Variants in CHD7 observed in about 807,000 individuals in gnomAD.
CHD7 encodes the protein chromodomain helicase DNA binding protein 7, also known as ATP-dependent chromatin remodeler CHD7.
In CHD7, 24 loss-of-function variants were observed where a neutral mutation model predicts 307.3. The ratio of observed to expected loss-of-function variants is 0.08; its 90% confidence interval spans 0.06 to 0.11. The LOEUF is 0.11. Ranked by LOEUF, CHD7 falls within the 10% of genes least tolerant of loss-of-function variation. CHD7 has a pLI of 1.00. For synonymous variants in CHD7, 1,363 were observed against 1,349.9 expected, an observed-to-expected ratio of 1.01 and a Z score of -0.21; for missense variants, 3,106 against 3,727.1, an observed-to-expected ratio of 0.83 and a Z score of 4.34.
intron 1 of CHD7, among the ~76,000 whole-genome samples, chr8:60,720,946 T>A (rs1240075797): frequency 1.3e-5 from 2 of 152,200 alleles, no homozygotes; most frequent in Non-Finnish European, 2.9e-5. Flanking sequence ...AGAGCCCTGC[T>A]CAGCAGCCTG....
At chr8:60,750,881 A>G (rs575707142) in intron 2 of CHD7, among the ~76,000 whole-genome samples, 1 of 152,366 alleles carries the variant, frequency 6.6e-6, no homozygotes, top group East Asian at 1.9e-4. Flanking sequence ...TAATTATGAC[A>G]GTCATCCTCC....
intron 1 of CHD7, among the ~76,000 whole-genome samples, chr8:60,730,642 C>T (rs780146679): frequency 5.3e-5 from 8 of 152,086 alleles, no homozygotes; most frequent in African/African-American, 9.7e-5. Flanking sequence ...GGGTGGATCA[C>T]GAGGTCAGGA....
chr8:60,684,363 C>T (rs967885066), intron 1 of CHD7, among the ~76,000 whole-genome samples: 10 of 152,070 alleles, frequency 6.6e-5, no homozygotes, highest in African/African-American at 1.2e-4. Flanking sequence ...CTCATTGATT[C>T]GGCTGTTTGT....
rs545181912 is a variant in CHD7, at chr8:60,768,166, C to T, written c.1666-12834C>T. Among the ~76,000 whole-genome samples, 13 of 152,262 alleles carry T rather than the reference C, an allele frequency of 8.5e-5. No homozygotes were observed. In the South Asian group the frequency reaches 2.1e-3, roughly 24 times the overall value. Reference sequence around the variant, plus strand: ...GAAATCATTTTTACTTCCCCCACCCCGTCTTACAAATACTTCATTCCTTAC... The same window carrying T: ...GAAATCATTTTTACTTCCCCCACCCTGTCTTACAAATACTTCATTCCTTAC... On this transcript the variant is annotated intron_variant, in intron 2 of 37. Coordinates refer to ENST00000423902, the MANE Select transcript of CHD7 (RefSeq NM_017780.4).
At chr8:60,821,737 T>G (rs937623042) in intron 9 of CHD7, 53 bp from the exon 10 acceptor site, 19 of 1,483,120 alleles carry the variant, frequency 1.3e-5, no homozygotes, top group Non-Finnish European at 1.6e-5. Flanking sequence ...TATATGTATA[T>G]GTATGTATGT....
Position 60,741,783 on chromosome 8 carries a change from C to A in CHD7, c.351C>A (p.Gly117=). The A allele has an allele frequency of 6.2e-7, 1 of 1,613,908 alleles. No homozygotes were observed. The highest frequency in any genetic ancestry group is 8.5e-7 in the Non-Finnish European group (1 of 1,179,854). Residue 117 remains glycine (G), a synonymous_variant, in exon 2 of 38, where the codon GGC becomes GGA. Transcript: ENST00000423902. ...CCGTTCCTCAGGTGCCCCATGGTGG[C>A]AGTGGTGGCGGTCAGATGGGTGTCT... The part of the protein sequence containing the change: ...TPPVPQVPHG[G]SGGGQMGVYP...
chr8:60,838,143 A>C lies in CHD7; in HGVS notation c.4421A>C (p.Asp1474Ala). The change falls in exon 19 of 38, where the codon GAT becomes GCT. Residue 1474 changes from aspartate (D) to alanine (A), a missense_variant. Around this residue, in one of 10 missense-constraint regions of CHD7, gnomAD observed 93 missense variants for 176.4 expected, o/e 0.53. Coordinates refer to ENST00000423902, the MANE Select transcript of CHD7 (RefSeq NM_017780.4). The stretch of plus-strand genomic sequence containing the variant: ...AAAGGGGCCTATGGTGCACTCATGG[A>C]TGAGGAGGATGAAGGGTCTAAATTC... ...LRKGAYGALM[D>A]EEDEGSKFCE... 2 of 1,565,002 alleles carry C rather than the reference A, an allele frequency of 1.3e-6. No homozygotes were observed. The highest frequency in any genetic ancestry group is 1.7e-6 in the Non-Finnish European group (2 of 1,154,070).
At chr8:60,780,880 G>A (rs1811182751) in intron 2 of CHD7, 120 bp from the exon 3 acceptor site, 2 of 1,269,396 alleles carry the variant, frequency 1.6e-6, no homozygotes, top group Non-Finnish European at 2.0e-6. Context: ...TGTATAGTTG[G>A]AAAAATATTT....
chr8:60,685,207 C>T (rs1466257165), intron 1 of CHD7, among the ~76,000 whole-genome samples: 3 of 152,140 alleles, frequency 2.0e-5, no homozygotes, highest in East Asian at 1.9e-4. Context: ...AGTGGCATTC[C>T]AGAACTTTAA....
At chr8:60,736,807 TG>T (rs1808737117) in intron 1 of CHD7, among the ~76,000 whole-genome samples, 1 of 152,210 alleles carries the variant, frequency 6.6e-6, no homozygotes, top group East Asian at 1.9e-4. Context: ...ACTTTGCATG[TG>T]AAAGGTGTTA....
intron 15 of CHD7, among the ~76,000 whole-genome samples, chr8:60,833,738 T>C (rs776970855): frequency 2.0e-5 from 3 of 152,228 alleles, no homozygotes; most frequent in Non-Finnish European, 4.4e-5. Context: ...ACAAAGTGTT[T>C]TGGGTTGGCA....
rs775862054 is a variant in CHD7, at chr8:60,741,981, T to C, written c.549T>C (p.Pro183=). Residue 183 remains proline (P), a synonymous_variant, in exon 2 of 38, where the codon CCT becomes CCC. Coordinates refer to ENST00000423902, the MANE Select transcript of CHD7 (RefSeq NM_017780.4). ...CGGGGCCCCCTGCACAGGGCCACCC[T>C]CAGCACATGCAGCAGATGGGCAGCT... is the stretch of plus-strand genomic sequence containing the variant. ...APSGPPAQGH[P]QHMQQMGSYM... 22 of 1,613,620 alleles carry C rather than the reference T, an allele frequency of 1.4e-5. 1 individual carries two copies. Among genetic ancestry groups the C allele is most frequent in the South Asian group, 5.5e-5 (5 of 91,080 alleles).
At position 60,866,613 on chromosome 8, in the gene CHD7, A is replaced by C. The variant is rs1416905834; in HGVS notation, c.*680A>C. Reference sequence around the variant, plus strand: ...CTCGTGGTCTTGTAATGCACTGGTAAAAACAAAATAAATAGATGAATAAAT... The same window carrying C: ...CTCGTGGTCTTGTAATGCACTGGTACAAACAAAATAAATAGATGAATAAAT... On this transcript the variant is annotated 3_prime_UTR_variant, in exon 38 of 38. Coordinates refer to ENST00000423902, the MANE Select transcript of CHD7 (RefSeq NM_017780.4). 1.3e-5 allele frequency: 2 copies of C among 152,638 alleles called. No individual in the cohort carries two copies. Among genetic ancestry groups the C allele is most frequent in the Admixed American group, 6.5e-5 (1 of 15,278 alleles). 9.5% of individuals were successfully genotyped at this position (152,638 alleles called of 1,614,324 possible). A position where few individuals can be genotyped will look rare whatever the true frequency, so the allele number is the denominator to read the frequency against.
chr8:60,802,244 T>G (rs1812347044), intron 6 of CHD7, among the ~76,000 whole-genome samples: 1 of 152,242 alleles, frequency 6.6e-6, no homozygotes, highest in African/African-American at 2.4e-5. Flanking sequence ...AAAATGCCAG[T>G]GACATACCGT....
At chr8:60,818,643 G>GTT (rs1803871458) in intron 8 of CHD7, among the ~76,000 whole-genome samples, 1 of 152,100 alleles carries the variant, frequency 6.6e-6, no homozygotes, top group South Asian at 2.1e-4. Context: ...TGAGACATAT[G>GTT]TTTGTGTTTC....
At position 60,678,785 on chromosome 8, in the gene CHD7, GGCGGCA is replaced by G. The variant is rs886063025; in HGVS notation, c.-466_-461del. ...GGGCCGCGGCGGCGGCGGCGGCGGC[GGCGGCA>G]GCGGCGGCGGCGGCGGCGGCGCGGG... On this transcript the variant is annotated 5_prime_UTR_variant, in exon 1 of 38. Coordinates refer to ENST00000423902, the MANE Select transcript of CHD7 (RefSeq NM_017780.4). 141 of 140,306 alleles carry G rather than the reference GGCGGCA, an allele frequency of 1.0e-3. No homozygotes were observed. The highest frequency in any genetic ancestry group is 2.1e-3 in the African/African-American group (80 of 38,870). 8.7% of individuals were successfully genotyped at this position (140,306 alleles called of 1,614,324 possible).
rs1809100009 is a variant in CHD7 at position 60,742,572 on chromosome 8, T to C, written c.1140T>C (p.Thr380=). Residue 380 remains threonine, a synonymous_variant, in exon 2 of 38, where the codon ACT becomes ACC. Coordinates refer to ENST00000423902, the MANE Select transcript of CHD7 (RefSeq NM_017780.4). ...CACTTAACCAAATGAACACACAAAC[T>C]ATGCATCCTTCACAGCCTCAGGGAA... ...SGSLNQMNTQ[T]MHPSQPQGTY... 1 of 1,613,752 alleles carries C rather than the reference T, an allele frequency of 6.2e-7. No homozygotes were observed. Among genetic ancestry groups the C allele is most frequent in the Non-Finnish European group, 8.5e-7 (1 of 1,179,876 alleles).
chr8:60,821,439 T>G (rs1209589469), intron 9 of CHD7, among the ~76,000 whole-genome samples: 1 of 152,084 alleles, frequency 6.6e-6, no homozygotes, highest in Non-Finnish European at 1.5e-5. Context: ...TTTTTAAATT[T>G]CTGTCAATTC....
In CHD7 at chr8:60,816,372, GT is replaced by G. The variant is rs780921630; in HGVS notation, c.2499-11del. Reference sequence around the variant, plus strand: ...ATATTCTACATATTTCAAGGATATTGTTTTGTTCTTTCAGCTCTTATCTTCA... The same window carrying G: ...ATATTCTACATATTTCAAGGATATTGTTTGTTCTTTCAGCTCTTATCTTCA... On this transcript the variant is annotated splice_polypyrimidine_tract_variant and intron_variant, in intron 7 of 37. Coordinates refer to ENST00000423902, the MANE Select transcript of CHD7 (RefSeq NM_017780.4). The G allele has an allele frequency of 7.5e-7, 1 of 1,338,150 alleles. No homozygotes were observed. The highest frequency in any genetic ancestry group is 1.1e-6 in the Non-Finnish European group (1 of 942,944). The allele number at this position is 1,338,150 out of a possible 1,614,324, so 82.9% of individuals were successfully genotyped here.
Sources: gnomAD v4.1 joint callset for allele counts (sites outside exome capture counted in the v4.1 genomes callset) on GRCh38, gnomAD v4.1.1 for gene constraint, gnomAD v4.1.1 regional missense constraint, MANE v1.5 for transcripts, NCBI Gene and HGNC (gene_info 2026-07-23, HGNC 2026-07-21) for gene names.